The following TRIM66 variants were observed in gnomAD, a reference collection of about 807,000 sequenced individuals.
The protein encoded by TRIM66 is tripartite motif containing 66.
Under a neutral mutation model 148.2 loss-of-function variants are expected in TRIM66, and 99 were observed. That is an observed-to-expected ratio of 0.67 (90% CI 0.57 to 0.79). The LOEUF is 0.79. Among genes scored for constraint, TRIM66 ranks in the 30% least tolerant of loss-of-function variants. TRIM66 has a pLI of 0.00. For synonymous variants in TRIM66, 616 were observed against 635.9 expected (o/e 0.97, Z 0.47); for missense variants, 1,666 against 1,697.9 (o/e 0.98, Z 0.33).
chr11:8,663,879 G>A (rs2038418739), intron 6 of TRIM66, among the ~76,000 whole-genome samples: 2 of 152,046 alleles, frequency 1.3e-5, no homozygotes, highest in African/African-American at 4.8e-5. Context: ...GGTACGGAAA[G>A]ACAAATACTG....
intron 6 of TRIM66, 123 bp downstream of exon 6, chr11:8,671,663 A>C (rs1455760399): frequency 9.8e-6 from 6 of 614,304 alleles, no homozygotes; most frequent in African/African-American, 3.7e-5. Flanking sequence ...GATTGCTTTC[A>C]GCAATGAGTG....
At position 8,640,858 on chromosome 11, in the gene TRIM66, A is replaced by C; in HGVS notation, c.1517T>G (p.Leu506Arg). 2 of 1,550,404 alleles carry C rather than the reference A, an allele frequency of 1.3e-6. No homozygotes were observed. Among genetic ancestry groups the C allele is most frequent in the Non-Finnish European group, 1.7e-6 (2 of 1,146,914 alleles). Reference sequence around the variant, plus strand: ...CCTGGGCAGCAGGGCAGAGCACTGCAGAGACCCCAGCTGCTGGGGCACCAT... The same window carrying C: ...CCTGGGCAGCAGGGCAGAGCACTGCCGAGACCCCAGCTGCTGGGGCACCAT... Reference protein sequence around the residue: ...PEMVPQQLGSLQCSALLPREK... With the variant: ...PEMVPQQLGSRQCSALLPREK... The change falls in exon 14 of 25, where the codon CTG becomes CGG. Residue 506 changes from leucine (L) to arginine (R), a missense_variant. Leu to Arg is a moderately radical substitution (Grantham distance 102). This residue lies in a region of TRIM66 where 1,431 missense variants were observed against 1,412.4 expected (regional missense o/e 1.01). Transcript: ENST00000646038.
intron 12 of TRIM66, among the ~76,000 whole-genome samples, chr11:8,644,944 T>C (rs1171328603): frequency 2.6e-5 from 4 of 152,228 alleles, no homozygotes; most frequent in African/African-American, 7.2e-5. Context: ...TGTTCATTTC[T>C]GTGTACCACA....
rs1337909964 is a variant in TRIM66 at position 8,624,791 on chromosome 11, G to A, written c.2748C>T (p.Ser916=). The A allele has an allele frequency of 6.4e-7, 1 of 1,551,434 alleles. No homozygotes were observed. Among genetic ancestry groups the A allele is most frequent in the African/African-American group, 1.4e-5 (1 of 73,068 alleles). ...TCCCTGAAGTTCGGCCAGAACTGGA[G>A]CTGGACCCAGTTTCTGGCTGCATGT... is the stretch of plus-strand genomic sequence containing the variant. ...VSDMQPETGS[S]SSSGRTSGSL... Residue 916 remains serine, a synonymous_variant, in exon 16 of 25, where the codon AGC becomes AGT. Transcript: ENST00000646038.
At position 8,614,019 on chromosome 11, in the gene TRIM66, A is replaced by T. The variant is rs2141739586; in HGVS notation, c.*3925T>A. ...GCAAATATGATGATGCCGAAAATGGAGAATGGCTGATAGTTTCAGCAAAAT... is the reference window on the plus strand; with the variant it reads ...GCAAATATGATGATGCCGAAAATGGTGAATGGCTGATAGTTTCAGCAAAAT... On this transcript the variant is annotated 3_prime_UTR_variant, in exon 25 of 25. Coordinates refer to ENST00000646038, the MANE Select transcript of TRIM66 (RefSeq NM_001388022.1). 6.6e-6 allele frequency: 1 copy of T among 152,418 alleles called. No homozygotes were observed. Among genetic ancestry groups the T allele is most frequent in the East Asian group, 1.9e-4 (1 of 5,188 alleles). The allele number at this position is 152,418 out of a possible 1,614,324, so 9.4% of individuals were successfully genotyped here.
At chr11:8,636,921 C>T (rs1390996123) in intron 15 of TRIM66, among the ~76,000 whole-genome samples, 1 of 152,144 alleles carries the variant, frequency 6.6e-6, no homozygotes. Context: ...TCTCGTGATC[C>T]TATCAAGCCA....
intron 6 of TRIM66, among the ~76,000 whole-genome samples, chr11:8,666,370 G>C (rs191152467): frequency 2.5e-3 from 203 of 82,162 alleles, no homozygotes; most frequent in African/African-American, 9.0e-3. Context: ...AAAAAAAAAA[G>C]AATATAAGAT....
upstream of TRIM66, chr11:8,682,938 T>G (rs2039513697): frequency 7.5e-7 from 1 of 1,339,502 alleles, no homozygotes; most frequent in African/African-American, 1.5e-5. Context: ...CATGGCCGCC[T>G]GCGGGGCAGG....
chr11:8,679,460 T>C (rs944590140), intron 3 of TRIM66, 160 bp downstream of exon 3: 5 of 152,640 alleles, frequency 3.3e-5, no homozygotes, highest in Non-Finnish European at 5.9e-5. Flanking sequence ...GGACAGAACG[T>C]AGCTCCTCTA....
chr11:8,682,805 G>A, upstream of TRIM66: 2 of 1,613,298 alleles, frequency 1.2e-6, no homozygotes, highest in South Asian at 2.2e-5. Flanking sequence ...TTTCGTCTGG[G>A]CTGCCAACAT....
At chr11:8,619,561 G>A (rs936900686) in intron 22 of TRIM66, 26 bp from the exon 23 acceptor site, 2 of 1,498,250 alleles carry the variant, frequency 1.3e-6, no homozygotes, top group Non-Finnish European at 1.8e-6. Context: ...ATGAGGAGAA[G>A]GAGGCAAAGG....
chr11:8,662,903 G>T (rs142398723), intron 6 of TRIM66, among the ~76,000 whole-genome samples: 358 of 152,286 alleles, frequency 2.4e-3, no homozygotes, highest in African/African-American at 8.2e-3. Flanking sequence ...AGGGATGTTA[G>T]CTCCCTTCAG....
At chr11:8,638,902 T>G (rs2036131853) in intron 14 of TRIM66, 87 bp from the exon 15 acceptor site, 1 of 1,384,394 alleles carries the variant, frequency 7.2e-7, no homozygotes. Flanking sequence ...GTGCTCACCC[T>G]GCCATGTGCA....
chr11:8,651,801 C>T lies in TRIM66; in HGVS notation c.443G>A (p.Arg148Lys), dbSNP rs763997179. 1.9e-6 allele frequency: 3 copies of T among 1,551,638 alleles called. No homozygotes were observed. The South Asian group carries it at 3.6e-5, about 18-fold the overall frequency. Residue 148 changes from arginine to lysine, a missense_variant and splice_region_variant, in exon 7 of 25, where the codon AGG becomes AAG. Coordinates refer to ENST00000646038, the MANE Select transcript of TRIM66 (RefSeq NM_001388022.1). The stretch of plus-strand genomic sequence containing the variant: ...GCTTCTTTCCTTGTCCTGACTTACC[C>T]TGGCCATCTTGGGTTGCTCAGTAGG... ...CVPTEQPKMA[R>K]NCSECKEKRA...
intron 6 of TRIM66, chr11:8,658,908 A>G (rs2038057504): frequency 3.3e-6 from 2 of 604,918 alleles, no homozygotes; most frequent in Non-Finnish European, 4.1e-6. Flanking sequence ...CAGTTGCCAT[A>G]GTGACCAATT....
intron 6 of TRIM66, among the ~76,000 whole-genome samples, chr11:8,663,661 C>T (rs2038406240): frequency 6.6e-6 from 1 of 152,024 alleles, no homozygotes; most frequent in Admixed American, 6.6e-5. Context: ...ATGAAATCAG[C>T]ATGTCAGAGA....
Position 8,622,339 on chromosome 11 carries a change from A to AAC in TRIM66, c.3080+475_3080+476dup, listed in dbSNP as rs150269400. 3.2e-3 allele frequency among the ~76,000 whole-genome samples: 229 copies of AAC among 71,426 alleles called. 24 individuals are homozygous for AAC. The highest frequency in any genetic ancestry group is 6.9e-3 in the East Asian group (24 of 3,456). The allele number at this position is 71,426 out of a possible 152,430, so 46.9% of individuals were successfully genotyped here. ...TATATATGGAAGTACACACACACAC[A>AAC]ACACACACACACACACACACACACA... is the stretch of plus-strand genomic sequence containing the variant. On this transcript the variant is annotated intron_variant, in intron 18 of 24. Transcript: ENST00000646038.
Position 8,621,205 on chromosome 11 carries a change from T to C in TRIM66, c.3372A>G (p.Glu1124=). The part of the protein sequence containing the change: ...RPPEVEGTSP[E]EHRLIPRTPG... ...GGGTTCGAGGAATGAGTCTGTGTTC[T>C]TCAGGAGATGTGCCCTCCACTTCTG... Residue 1124 remains glutamate, a synonymous_variant, in exon 20 of 25, where the codon GAA becomes GAG. Coordinates refer to ENST00000646038, the MANE Select transcript of TRIM66 (RefSeq NM_001388022.1). 1 of 1,551,718 alleles carries C rather than the reference T, an allele frequency of 6.4e-7. No homozygotes were observed. The highest frequency in any genetic ancestry group is 8.7e-7 in the Non-Finnish European group (1 of 1,146,990).
At chr11:8,636,283 T>C (rs571256221) in intron 15 of TRIM66, among the ~76,000 whole-genome samples, 59 of 151,792 alleles carry the variant, frequency 3.9e-4, no homozygotes, top group African/African-American at 8.4e-4. Flanking sequence ...CAAACTGCCT[T>C]TGAAAAATCC....
Sources: allele counts gnomAD v4.1 joint callset (sites outside exome capture counted in the v4.1 genomes callset), GRCh38; gene constraint gnomAD v4.1.1; regional missense constraint gnomAD v4.1.1; transcripts MANE v1.5; gene names NCBI Gene and HGNC (gene_info 2026-07-23, HGNC 2026-07-21).